Variants in INTU observed in about 807,000 individuals in gnomAD.
INTU encodes protein inturned.
INTU carries 68 observed loss-of-function variants against 100.5 expected under a neutral mutation model. That is an observed-to-expected ratio of 0.68 (90% CI 0.56 to 0.83). The LOEUF (loss-of-function observed/expected upper bound fraction) is 0.83. Ranked by LOEUF, INTU falls within the 40% of genes least tolerant of loss-of-function variation. The probability of loss-of-function intolerance (pLI) is 0.00; values close to 1 mark genes in which losing one functional copy is unlikely to be tolerated. For synonymous variants in INTU, 357 were observed against 395.7 expected, an observed-to-expected ratio of 0.90 and a Z score of 1.16; for missense variants, 1,071 against 1,114.7, an observed-to-expected ratio of 0.96 and a Z score of 0.56.
chr4:127,666,542 T>G (rs1349729729), intron 4 of INTU, among the ~76,000 whole-genome samples: 1 of 152,178 alleles, frequency 6.6e-6, no homozygotes, highest in Non-Finnish European at 1.5e-5. Context: ...CAGTACTCAG[T>G]GTCCTGATGG....
intron 1 of INTU, 21 bp downstream of exon 1, chr4:127,633,201 C>T (rs771975546): frequency 5.6e-6 from 9 of 1,608,118 alleles, no homozygotes; most frequent in Middle Eastern, 1.7e-4. Flanking sequence ...CAAAGAGGGA[C>T]AATTAATCCC....
In INTU at chr4:127,633,165, C is replaced by A. The variant is rs758891206; in HGVS notation, c.131C>A (p.Ala44Glu). Residue 44 changes from alanine (A) to glutamate (E), a missense_variant, in exon 1 of 16, where the codon GCG (alanine) becomes GAG (glutamate). Ala to Glu is a moderately radical substitution (Grantham distance 107, BLOSUM62 -1). Transcript: ENST00000335251. ...AGCGACTCGGGTTCATATTCCTCAG[C>A]GAGTAGCGATTATGAGTAAGGTTTT... is the stretch of plus-strand genomic sequence containing the variant. The part of the protein sequence containing the change: ...RVSDSGSYSS[A>E]SSDYDDLEPE... 1.2e-6 allele frequency: 2 copies of A among 1,613,404 alleles called. No individual in the cohort carries two copies. The highest frequency in any genetic ancestry group is 1.7e-6 in the Non-Finnish European group (2 of 1,179,480).
chr4:127,650,712 T>A (rs1727817434), intron 2 of INTU, among the ~76,000 whole-genome samples: 7 of 151,316 alleles, frequency 4.6e-5, no homozygotes, highest in African/African-American at 1.2e-4. Flanking sequence ...GCAGCATGAT[T>A]TATAGTCCTT....
At chr4:127,658,316 G>GTGAGAT (rs1728325221) in intron 3 of INTU, among the ~76,000 whole-genome samples, 1 of 118,968 alleles carries the variant, frequency 8.4e-6, no homozygotes, top group Non-Finnish European at 2.0e-5. Flanking sequence ...GGAATGGATA[G>GTGAGAT]CGAGATGGAG....
intron 3 of INTU, 44 bp from the exon 4 acceptor site, chr4:127,663,336 AT>A (rs1161631255): frequency 1.4e-6 from 2 of 1,447,936 alleles, no homozygotes; most frequent in Non-Finnish European, 1.9e-6. Context: ...ACTGCAGCTG[AT>A]TTTCCCTTGT....
chr4:127,655,904 G>A (rs1334889062), intron 2 of INTU, among the ~76,000 whole-genome samples: 1 of 151,602 alleles, frequency 6.6e-6, no homozygotes, highest in African/African-American at 2.4e-5. Flanking sequence ...CTCCGAGCCA[G>A]GTGCGGGATA....
chr4:127,705,739 G>A lies in INTU; in HGVS notation c.1715G>A (p.Arg572Gln), dbSNP rs1449116649. The A allele has an allele frequency of 9.3e-6, 15 of 1,613,902 alleles. No homozygotes were observed. The highest frequency in any genetic ancestry group is 4.0e-5 in the African/African-American group (3 of 74,910). Residue 572 changes from arginine (R) to glutamine (Q), a missense_variant, in exon 11 of 16, where the codon CGA becomes CAA. Transcript: ENST00000335251. ...WREVFPQHHL[R>Q]PLADSSTEVF... ...GAAGTGTTTCCTCAGCATCACCTCCGACCTTTGGCAGACTCAAGCACTGAA... is the reference window on the plus strand; with the variant it reads ...GAAGTGTTTCCTCAGCATCACCTCCAACCTTTGGCAGACTCAAGCACTGAA...
intron 2 of INTU, among the ~76,000 whole-genome samples, chr4:127,645,634 C>T (rs1018106799): frequency 6.6e-6 from 1 of 151,986 alleles, no homozygotes; most frequent in African/African-American, 2.4e-5. Flanking sequence ...CATCTTGGCT[C>T]ACTTCAACCT....
At chr4:127,670,149 G>GT (rs540776387) in intron 5 of INTU, among the ~76,000 whole-genome samples, 145 of 151,024 alleles carry the variant, frequency 9.6e-4, no homozygotes, top group Non-Finnish European at 1.4e-3. Flanking sequence ...TAGGTTTTGT[G>GT]TTTTTTTTCA....
chr4:127,715,865 A>G (rs1230556663), intron 15 of INTU, among the ~76,000 whole-genome samples: 6 of 152,234 alleles, frequency 3.9e-5, no homozygotes, highest in African/African-American at 1.2e-4. Flanking sequence ...ATGGATTTCA[A>G]TTTTAACTCT....
At chr4:127,680,840 T>C (rs1354705292) in intron 6 of INTU, among the ~76,000 whole-genome samples, 2 of 151,954 alleles carry the variant, frequency 1.3e-5, no homozygotes. Context: ...CATAATTGTA[T>C]ATCTAGAAAA....
At chr4:127,681,050 G>A (rs1729516124) in intron 6 of INTU, among the ~76,000 whole-genome samples, 1 of 151,738 alleles carries the variant, frequency 6.6e-6, no homozygotes, top group African/African-American at 2.4e-5. Flanking sequence ...TACAAGGGAT[G>A]TGAAGGACCT....
intron 9 of INTU, 38 bp from the exon 10 acceptor site, chr4:127,704,190 A>T: frequency 6.5e-7 from 1 of 1,533,990 alleles, no homozygotes; most frequent in Non-Finnish European, 8.9e-7. Context: ...ATCACAAAAA[A>T]ATAAAAATAT....
intron 4 of INTU, among the ~76,000 whole-genome samples, chr4:127,667,920 C>T (rs903580713): frequency 5.9e-5 from 9 of 152,008 alleles, no homozygotes; most frequent in African/African-American, 2.2e-4. Flanking sequence ...GACATGGAGA[C>T]CATATCATGT....
rs1162054351 is a variant in INTU at position 127,719,964 on chromosome 4, CATGTCTCTAG to C, written c.*3529_*3538del. On this transcript the variant is annotated 3_prime_UTR_variant, in exon 16 of 16. Coordinates refer to ENST00000335251, the MANE Select transcript of INTU (RefSeq NM_015693.4). ...TTCATTTATTTTTTGAAGGGTTTTT[CATGTCTCTAG>C]CTCCTTCATTTCCACTCTGATTTTG... is the stretch of plus-strand genomic sequence containing the variant. The C allele has an allele frequency of 2.0e-5, 3 of 151,716 alleles. No individual in the cohort carries two copies. In the East Asian group the frequency reaches 5.8e-4, roughly 29 times the overall value. The allele number at this position is 151,716 out of a possible 1,614,324, so 9.4% of individuals were successfully genotyped here.
At chr4:127,678,075 A>G (rs1270323793) in intron 6 of INTU, among the ~76,000 whole-genome samples, 3 of 152,174 alleles carry the variant, frequency 2.0e-5, no homozygotes, top group African/African-American at 7.2e-5. Flanking sequence ...GAAACAAACA[A>G]AGCCTCCAAG....
intron 8 of INTU, among the ~76,000 whole-genome samples, chr4:127,694,428 T>C (rs1730292217): frequency 6.6e-6 from 1 of 152,166 alleles, no homozygotes; most frequent in Non-Finnish European, 1.5e-5. Flanking sequence ...TCCCATTTCA[T>C]TTCTAATTGA....
intron 2 of INTU, among the ~76,000 whole-genome samples, chr4:127,646,689 T>A (rs1022509550): frequency 5.9e-5 from 9 of 152,150 alleles, no homozygotes; most frequent in Admixed American, 5.2e-4. Flanking sequence ...ATGTCTGATT[T>A]TTCTTCATTT....
intron 8 of INTU, among the ~76,000 whole-genome samples, chr4:127,698,719 A>T (rs1024703207): frequency 6.6e-6 from 1 of 152,152 alleles, no homozygotes; most frequent in African/African-American, 2.4e-5. Flanking sequence ...AAGAGAAAAG[A>T]TATTTGTATG....
Sources: allele counts gnomAD v4.1 joint callset (sites outside exome capture counted in the v4.1 genomes callset), GRCh38; gene constraint gnomAD v4.1.1; transcripts MANE v1.5; gene names NCBI Gene and HGNC (gene_info 2026-07-23, HGNC 2026-07-21).